Variants in FOXO1 observed in about 807,000 individuals in gnomAD.
FOXO1 encodes forkhead box protein O1.
A neutral mutation model predicts 44.1 loss-of-function variants in FOXO1; 6 were observed. The ratio of observed to expected loss-of-function variants is 0.14; its 90% CI spans 0.07 to 0.27. The LOEUF (loss-of-function observed/expected upper bound fraction) is 0.27. Among genes scored for constraint, FOXO1 ranks in the 10% least tolerant of loss-of-function variants. The probability of loss-of-function intolerance (pLI) is 1.00; values close to 1 mark genes in which losing one functional copy is unlikely to be tolerated. For synonymous variants in FOXO1, 380 were observed against 362.7 expected, an observed-to-expected ratio of 1.05 and a Z score of -0.54; for missense variants, 737 against 888.8, an observed-to-expected ratio of 0.83 and a Z score of 2.17.
chr13:40,591,977 G>A (rs1211220312), intron 1 of FOXO1, among the ~76,000 whole-genome samples: 1 of 152,146 alleles, frequency 6.6e-6, no homozygotes, highest in Non-Finnish European at 1.5e-5. Context: ...AAAGTGCTGA[G>A]ATTACAGACG....
In FOXO1 at chr13:40,657,023, C is replaced by T. The variant is rs138026848; in HGVS notation, c.630+8560G>A. ...TTTTTTTCTGTCTTTTTAGTAGAGA[C>T]GGGATTTCACCGTGTTAGCCAGGAT... On this transcript the variant is annotated intron_variant, in intron 1 of 2. Transcript: ENST00000379561. 1.1e-3 allele frequency among the ~76,000 whole-genome samples: 164 copies of T among 152,110 alleles called. 4 individuals carry two copies. In the East Asian group the frequency reaches 0.02, roughly 18 times the overall value.
intron 1 of FOXO1, among the ~76,000 whole-genome samples, chr13:40,614,263 A>G (rs1481234268): frequency 6.6e-6 from 1 of 152,206 alleles, no homozygotes; most frequent in Non-Finnish European, 1.5e-5. Context: ...AGCAGCTGGA[A>G]ATTTTAAAGC....
At position 40,560,386 on chromosome 13, in the gene FOXO1, C is replaced by T. The variant is rs1263390525; in HGVS notation, c.1105G>A (p.Glu369Lys). 6.8e-6 allele frequency: 11 copies of T among 1,614,102 alleles called. No individual in the cohort carries two copies. The highest frequency in any genetic ancestry group is 5.5e-5 in the South Asian group (5 of 91,076). ...TTATCCAAAAGATTTTCCATGTTTT[C>T]GGGATTGCTTATCTCAGACAGACTG... ...LPSLSEISNP[E>K]NMENLLDNLN... Residue 369 changes from glutamate (E) to lysine (K), a missense_variant, in exon 2 of 3, where the codon GAA becomes AAA. Glu to Lys is a moderately conservative substitution (Grantham distance 56). Transcript: ENST00000379561. The surrounding 1 kb of genome is among the most constrained non-coding windows in gnomAD (Gnocchi z 5.1).
intron 1 of FOXO1, among the ~76,000 whole-genome samples, chr13:40,635,893 A>G (rs1168845376): frequency 1.3e-5 from 2 of 152,224 alleles, no homozygotes; most frequent in Admixed American, 6.5e-5. Context: ...TGCATGTGAC[A>G]GACCCACAGT....
At chr13:40,654,283 C>G (rs1364410365) in intron 1 of FOXO1, among the ~76,000 whole-genome samples, 1 of 138,816 alleles carries the variant, frequency 7.2e-6, no homozygotes, top group African/African-American at 2.7e-5. Context: ...CAAGACCAGC[C>G]TAGCCAAGAC....
chr13:40,650,129 T>C (rs1373993387), intron 1 of FOXO1, among the ~76,000 whole-genome samples: 1 of 147,396 alleles, frequency 6.8e-6, no homozygotes, highest in African/African-American at 2.6e-5. Flanking sequence ...GGGTGGATTA[T>C]TCATGCCTCC....
intron 1 of FOXO1, among the ~76,000 whole-genome samples, chr13:40,609,220 T>C (rs1471173396): frequency 6.6e-6 from 1 of 152,170 alleles, no homozygotes; most frequent in Non-Finnish European, 1.5e-5. Flanking sequence ...CAAAACATAT[T>C]ATGCAATAAA....
At chr13:40,585,763 T>C (rs1337050604) in intron 1 of FOXO1, among the ~76,000 whole-genome samples, 2 of 152,162 alleles carry the variant, frequency 1.3e-5, no homozygotes, top group African/African-American at 2.4e-5. Flanking sequence ...TTTCAAGGGT[T>C]GTATACAAAA....
chr13:40,560,321 C>A lies in FOXO1; in HGVS notation c.1170G>T (p.Ser390=). The A allele has an allele frequency of 6.2e-7, 1 of 1,613,888 alleles. No homozygotes were observed. Among genetic ancestry groups the A allele is most frequent in the Non-Finnish European group, 8.5e-7 (1 of 1,180,008 alleles). The change falls in exon 2 of 3, where the codon TCG becomes TCT. Residue 390 remains serine, a synonymous_variant. Coordinates refer to ENST00000379561, the MANE Select transcript of FOXO1 (RefSeq NM_002015.4). The surrounding 1 kb of genome is among the most constrained non-coding windows in gnomAD (Gnocchi z 5.1). ...LLSSPTSLTV[S]TQSSPGTMMQ... ...TCATGGTGCCAGGTGAGGACTGGGT[C>A]GAAACAGTTAATGATGTTGGTGATG... is the stretch of plus-strand genomic sequence containing the variant.
At chr13:40,574,743 A>T (rs1874678756) in intron 1 of FOXO1, among the ~76,000 whole-genome samples, 2 of 152,092 alleles carry the variant, frequency 1.3e-5, no homozygotes. Flanking sequence ...AGCCTAGTTA[A>T]GATTGCAATG....
intron 1 of FOXO1, among the ~76,000 whole-genome samples, chr13:40,587,594 A>G (rs1875217540): frequency 6.6e-6 from 1 of 152,192 alleles, no homozygotes; most frequent in Admixed American, 6.5e-5. Context: ...GTTGATTACT[A>G]GGATGGCCCC....
intron 1 of FOXO1, among the ~76,000 whole-genome samples, chr13:40,659,589 ACC>A: frequency 6.6e-6 from 1 of 152,116 alleles, no homozygotes; most frequent in East Asian, 1.9e-4. Flanking sequence ...CTGCAGATTT[ACC>A]TTTTTAGTAG....
chr13:40,653,155 A>G (rs1717776493), intron 1 of FOXO1, among the ~76,000 whole-genome samples: 1 of 151,942 alleles, frequency 6.6e-6, no homozygotes, highest in African/African-American at 2.4e-5. Context: ...TTTTTAGTAG[A>G]GGCAGGGTTT....
At chr13:40,595,468 A>T (rs570001158) in intron 1 of FOXO1, among the ~76,000 whole-genome samples, 1 of 152,168 alleles carries the variant, frequency 6.6e-6, no homozygotes, top group Non-Finnish European at 1.5e-5. Context: ...TCCATGCTAC[A>T]ATTTTATCTA....
intron 1 of FOXO1, among the ~76,000 whole-genome samples, chr13:40,593,169 A>C (rs1390734104): frequency 6.6e-6 from 1 of 152,060 alleles, no homozygotes; most frequent in African/African-American, 2.4e-5. Context: ...GACCATAGGC[A>C]CATGTCACCA....
At chr13:40,576,995 C>T (rs1425592061) in intron 1 of FOXO1, among the ~76,000 whole-genome samples, 1 of 152,198 alleles carries the variant, frequency 6.6e-6, no homozygotes, top group Non-Finnish European at 1.5e-5. Context: ...TAATGGCCTA[C>T]AATGTAACCA....
intron 1 of FOXO1, among the ~76,000 whole-genome samples, chr13:40,613,327 T>C (rs929998456): frequency 1.3e-5 from 2 of 152,082 alleles, no homozygotes; most frequent in African/African-American, 2.4e-5. Flanking sequence ...GGATGTGACA[T>C]AGTTACATGT....
At chr13:40,576,565 A>C (rs918708148) in intron 1 of FOXO1, among the ~76,000 whole-genome samples, 3 of 152,186 alleles carry the variant, frequency 2.0e-5, no homozygotes, top group Non-Finnish European at 4.4e-5. Context: ...TCTCCCACCT[A>C]ACAGGAAGCT....
In FOXO1 at chr13:40,556,894, C is replaced by T. The variant is rs927766738; in HGVS notation, c.*2155G>A. 1 of 152,140 alleles carries T rather than the reference C, an allele frequency of 6.6e-6. No homozygotes were observed. The highest frequency in any genetic ancestry group is 1.5e-5 in the Non-Finnish European group (1 of 68,028). The allele number at this position is 152,140 out of a possible 1,614,324, so 9.4% of individuals were successfully genotyped here. A position where few individuals can be genotyped will look rare whatever the true frequency, so the allele number is the denominator to read the frequency against. On this transcript the variant is annotated 3_prime_UTR_variant, in exon 3 of 3. Coordinates refer to ENST00000379561, the MANE Select transcript of FOXO1 (RefSeq NM_002015.4). ...CAGTACGTAGTAATAGAAATTAGTA[C>T]ACAAGTACTTTGGCACCAAGTTCAG...
Sources: allele counts gnomAD v4.1 joint callset (sites outside exome capture counted in the v4.1 genomes callset), GRCh38; gene constraint gnomAD v4.1.1; non-coding constraint Gnocchi (gnomAD v3.1); transcripts MANE v1.5; gene names NCBI Gene and HGNC (gene_info 2026-07-23, HGNC 2026-07-21).